Variants in RASAL2 observed in about 807,000 individuals in gnomAD.
RASAL2 encodes the protein ras GTPase-activating protein nGAP.
RASAL2 carries 58 observed loss-of-function variants against 128.9 expected under a neutral mutation model. The ratio of observed to expected loss-of-function variants is 0.45; its 90% CI spans 0.36 to 0.56. RASAL2 has a LOEUF of 0.56. Ranked by LOEUF, RASAL2 falls within the 20% of genes least tolerant of loss-of-function variation. The pLI is 0.00. For synonymous variants in RASAL2, 561 were observed against 580.8 expected, an observed-to-expected ratio of 0.97 and a Z score of 0.49; for missense variants, 1,360 against 1,601.6, an observed-to-expected ratio of 0.85 and a Z score of 2.57.
At chr1:178,160,475 A>C (rs984149055) in intron 1 of RASAL2, among the ~76,000 whole-genome samples, 1 of 152,140 alleles carries the variant, frequency 6.6e-6, no homozygotes, top group East Asian at 1.9e-4. Context: ...TCTCTACTAA[A>C]AATACAAAAA....
intron 1 of RASAL2, among the ~76,000 whole-genome samples, chr1:178,162,884 GA>G (rs2101898060): frequency 6.6e-6 from 1 of 151,456 alleles, no homozygotes; most frequent in South Asian, 2.1e-4. Flanking sequence ...GCCCAGCTGA[GA>G]TTTCTTTATA....
chr1:178,394,601 G>T lies in RASAL2; in HGVS notation c.564+4395G>T, dbSNP rs183826485. Among the ~76,000 whole-genome samples the T allele has an allele frequency of 1.8e-4, 27 of 152,284 alleles. 1 individual carries two copies. In the East Asian group the frequency reaches 5.2e-3, roughly 29 times the overall value. On this transcript the variant is annotated intron_variant, in intron 4 of 17. Transcript: ENST00000367649. ...TTCTGGGCCAGGTGCTAGGCTTAGT[G>T]TTCTGATTTTCATAACACAATGGTC...
At chr1:178,324,058 A>AT (rs1668915112) in intron 3 of RASAL2, among the ~76,000 whole-genome samples, 2 of 152,202 alleles carry the variant, frequency 1.3e-5, no homozygotes, top group Admixed American at 6.5e-5. Context: ...CAAATTCCAT[A>AT]TGCTCTCATC....
chr1:178,109,300 C>T (rs1444462420), intron 1 of RASAL2, among the ~76,000 whole-genome samples: 1 of 152,070 alleles, frequency 6.6e-6, no homozygotes, highest in Non-Finnish European at 1.5e-5. Context: ...GAGGGTCTTA[C>T]TGTTTTGCCC....
chr1:178,388,116 G>A lies in RASAL2; in HGVS notation c.458-1984G>A, dbSNP rs926401693. On this transcript the variant is annotated intron_variant, in intron 3 of 17. Coordinates refer to ENST00000367649, the MANE Select transcript of RASAL2 (RefSeq NM_170692.4). ...ACTATATTGTAATATTAAATCTCCA[G>A]TGTCTTCTAATTTGATATGAGGTTA... Among the ~76,000 whole-genome samples the A allele has an allele frequency of 2.0e-5, 3 of 152,060 alleles. No individual in the cohort carries two copies. In the East Asian group the frequency reaches 5.8e-4, roughly 29 times the overall value.
At chr1:178,413,645 G>C (rs1674556729) in intron 4 of RASAL2, among the ~76,000 whole-genome samples, 1 of 152,106 alleles carries the variant, frequency 6.6e-6, no homozygotes, top group Non-Finnish European at 1.5e-5. Flanking sequence ...AAGAGACAGG[G>C]CAAGCATCAG....
chr1:178,265,728 A>G (rs1435262039), intron 1 of RASAL2, among the ~76,000 whole-genome samples: 1 of 152,208 alleles, frequency 6.6e-6, no homozygotes, highest in Non-Finnish European at 1.5e-5. Flanking sequence ...TACCCTGCTC[A>G]AGAAACAGAA....
intron 1 of RASAL2, among the ~76,000 whole-genome samples, chr1:178,150,014 A>G (rs1660860703): frequency 6.6e-6 from 1 of 152,108 alleles, no homozygotes; most frequent in African/African-American, 2.4e-5. Context: ...TCCACTTTTA[A>G]AGGTACCATC....
At chr1:178,268,505 A>T (rs1008961871) in intron 1 of RASAL2, among the ~76,000 whole-genome samples, 1 of 152,034 alleles carries the variant, frequency 6.6e-6, no homozygotes, top group African/African-American at 2.4e-5. Flanking sequence ...GTGGTGGTGC[A>T]TGTCTGTCAT....
At chr1:178,377,315 A>G (rs570249344) in intron 3 of RASAL2, among the ~76,000 whole-genome samples, 1 of 152,286 alleles carries the variant, frequency 6.6e-6, no homozygotes, top group South Asian at 2.1e-4. Context: ...AACCTCAAAA[A>G]TAATATAGAG....
intron 1 of RASAL2, among the ~76,000 whole-genome samples, chr1:178,258,293 C>CAA (rs993642772): frequency 0.1 from 7,203 of 69,260 alleles, 295 homozygotes; most frequent in Middle Eastern, 0.17. Context: ...GACTGCATCT[C>CAA]AAAAAAAAAA....
intron 15 of RASAL2, among the ~76,000 whole-genome samples, chr1:178,464,831 G>GTTTTTTTTTTTTTTATTTT: frequency 2.6e-5 from 1 of 38,198 alleles, no homozygotes; most frequent in Non-Finnish European, 4.4e-5. Flanking sequence ...GGTTTTAGTT[G>GTTTTTTTTTTTTTTATTTT]TTTTTTTTTT....
At chr1:178,147,583 C>T (rs1314811349) in intron 1 of RASAL2, among the ~76,000 whole-genome samples, 1 of 151,628 alleles carries the variant, frequency 6.6e-6, no homozygotes, top group Non-Finnish European at 1.5e-5. Context: ...TATATATGAG[C>T]ACACAGGCTC....
intron 16 of RASAL2, 25 bp from the exon 17 acceptor site, chr1:178,467,309 A>C: frequency 1.3e-6 from 2 of 1,596,290 alleles, no homozygotes; most frequent in Non-Finnish European, 1.7e-6. Flanking sequence ...GAAGATGTTG[A>C]TATTTCCTTC....
intron 2 of RASAL2, among the ~76,000 whole-genome samples, chr1:178,288,356 T>A (rs2102230770): frequency 6.6e-6 from 1 of 152,282 alleles, no homozygotes; most frequent in Middle Eastern, 3.4e-3. Flanking sequence ...AGCTGATTAC[T>A]TTGCTTATTA....
chr1:178,323,084 C>T (rs542291463), intron 3 of RASAL2, among the ~76,000 whole-genome samples: 1 of 152,162 alleles, frequency 6.6e-6, no homozygotes, highest in East Asian at 1.9e-4. Context: ...CAATCTTTTT[C>T]TTCATTCACT....
chr1:178,467,474 T>C, intron 17 of RASAL2, 53 bp downstream of exon 17: 2 of 1,497,424 alleles, frequency 1.3e-6, no homozygotes, highest in Non-Finnish European at 1.9e-6. Flanking sequence ...AACGATTATT[T>C]CCTGACTTCA....
intron 5 of RASAL2, among the ~76,000 whole-genome samples, chr1:178,427,824 C>T (rs1358534043): frequency 2.6e-5 from 4 of 151,984 alleles, no homozygotes; most frequent in African/African-American, 9.7e-5. Flanking sequence ...CCAATTTAAT[C>T]ATATGTATAG....
chr1:178,310,437 A>G (rs1166849890), intron 3 of RASAL2, among the ~76,000 whole-genome samples: 2 of 152,180 alleles, frequency 1.3e-5, no homozygotes, highest in East Asian at 3.9e-4. Flanking sequence ...TTTTGGAAGT[A>G]GTTAATTGGG....
Sources: allele counts gnomAD v4.1 joint callset (sites outside exome capture counted in the v4.1 genomes callset), GRCh38; gene constraint gnomAD v4.1.1; transcripts MANE v1.5; gene names NCBI Gene and HGNC (gene_info 2026-07-23, HGNC 2026-07-21).